Variants in NEMP2 observed in about 807,000 individuals in gnomAD.
NEMP2 encodes the protein UPF0571 transmembrane protein.
Under a neutral mutation model 54.2 loss-of-function variants are expected in NEMP2, and 53 were observed. The ratio of observed to expected loss-of-function variants is 0.98; its 90% CI spans 0.78 to 1.23. NEMP2 has a LOEUF of 1.23. NEMP2 is among the 50% of genes most tolerant of loss of function. The probability of loss-of-function intolerance (pLI) is 0.00; values close to 1 mark genes in which losing one functional copy is unlikely to be tolerated. For synonymous variants in NEMP2, 197 were observed against 190.3 expected (o/e 1.04, Z -0.29); for missense variants, 455 against 511.3 (o/e 0.89, Z 1.06).
chr2:190,586,431 A>C, the NEMP2 span, among the ~76,000 whole-genome samples: 1 of 152,326 alleles, frequency 6.6e-6, no homozygotes, highest in South Asian at 2.1e-4. The surrounding 1 kb of genome is among the most constrained non-coding windows in gnomAD (Gnocchi z 4.5). Context: ...TGAGTGATAC[A>C]TGGATCATGT....
the NEMP2 span, among the ~76,000 whole-genome samples, chr2:190,550,865 G>A: frequency 1.3e-5 from 2 of 152,162 alleles, no homozygotes; most frequent in South Asian, 2.1e-4. The surrounding 1 kb of genome is among the most constrained non-coding windows in gnomAD (Gnocchi z 4.7). Context: ...GTCTTCACTC[G>A]TTTGTGTGGA....
At chr2:190,500,248 G>T, downstream of NEMP2, 2 of 1,611,558 alleles carry the variant, frequency 1.2e-6, no homozygotes, top group Non-Finnish European at 1.7e-6. This position sits in a 1 kb window ranked among gnomAD's most constrained non-coding sequence, Gnocchi z 5.3. Flanking sequence ...CACCCTGCAT[G>T]GAATCAGGCT....
chr2:190,532,786 A>C (rs1691193735), intron 1 of NEMP2, among the ~76,000 whole-genome samples: 1 of 152,228 alleles, frequency 6.6e-6, no homozygotes, highest in African/African-American at 2.4e-5. Flanking sequence ...TATGGTTCTT[A>C]AGCCTAGTCT....
Position 190,519,135 on chromosome 2 carries a change from T to G in NEMP2, c.262A>C (p.Arg88=). The G allele has an allele frequency of 6.4e-7, 1 of 1,550,892 alleles. No homozygotes were observed. Among genetic ancestry groups the G allele is most frequent in the Non-Finnish European group, 8.7e-7 (1 of 1,146,982 alleles). The change falls in exon 3 of 9, where the codon AGA becomes CGA. Residue 88 remains arginine, a synonymous_variant. Transcript: ENST00000409150. The surrounding 1 kb of genome is among the most constrained non-coding windows in gnomAD (Gnocchi z 5.4). The part of the protein sequence containing the change: ...GLFRIVYIAE[R]HNCQYPENIL... ...TTTTCTGGATATTGGCAATTATGTC[T>G]TTCTGCGATATATACAATTCTGAAC...
chr2:190,617,076 C>G, the NEMP2 span: 4 of 151,370 alleles, frequency 2.6e-5, no homozygotes, highest in African/African-American at 9.7e-5. The surrounding 1 kb of genome is among the most constrained non-coding windows in gnomAD (Gnocchi z 5.0). Context: ...GAGTGAGCCC[C>G]GATCGCGCCA....
the NEMP2 span, chr2:190,628,506 C>G: frequency 3.3e-5 from 5 of 152,452 alleles, no homozygotes; most frequent in East Asian, 3.9e-4. The surrounding 1 kb of genome is among the most constrained non-coding windows in gnomAD (Gnocchi z 4.1). Context: ...GCCTGCTACT[C>G]CAGTCTCTGT....
At chr2:190,480,688 C>G in the NEMP2 span, among the ~76,000 whole-genome samples, 1 of 152,176 alleles carries the variant, frequency 6.6e-6, no homozygotes, top group South Asian at 2.1e-4. Context: ...AATTCTAACT[C>G]CCCTACCTAT....
the NEMP2 span, among the ~76,000 whole-genome samples, chr2:190,463,632 G>A: frequency 2.0e-5 from 3 of 152,082 alleles, no homozygotes; most frequent in Non-Finnish European, 4.4e-5. This position sits in a 1 kb window ranked among gnomAD's most constrained non-coding sequence, Gnocchi z 4.4. Flanking sequence ...ACCAGCCTGG[G>A]CAACATAGTG....
Position 190,529,155 on chromosome 2 carries a change from C to T in NEMP2, c.98-3777G>A, listed in dbSNP as rs764146576. Among the ~76,000 whole-genome samples the T allele has an allele frequency of 5.3e-5, 8 of 152,060 alleles. No homozygotes were observed. The highest frequency in any genetic ancestry group is 2.1e-4 in the South Asian group (1 of 4,818). On this transcript the variant is annotated intron_variant, in intron 1 of 8. Transcript: ENST00000409150. The surrounding 1 kb of genome is among the most constrained non-coding windows in gnomAD (Gnocchi z 4.7). ...TCACACCACTGCACTCCAGCCTGGG[C>T]GACAGAGTGAGACTCTGTCTCAAAA...
the NEMP2 span, among the ~76,000 whole-genome samples, chr2:190,563,789 G>A: frequency 1.3e-5 from 2 of 152,224 alleles, no homozygotes; most frequent in Non-Finnish European, 2.9e-5. This position sits in a 1 kb window ranked among gnomAD's most constrained non-coding sequence, Gnocchi z 4.3. Flanking sequence ...TGCCTGACAA[G>A]ATTAATTGGC....
the NEMP2 span, among the ~76,000 whole-genome samples, chr2:190,467,788 ATTATT>A: frequency 6.6e-6 from 1 of 152,170 alleles, no homozygotes; most frequent in African/African-American, 2.4e-5. This position sits in a 1 kb window ranked among gnomAD's most constrained non-coding sequence, Gnocchi z 5.5. Flanking sequence ...ACACATGAAA[ATTATT>A]TTATGAAGTT....
At chr2:190,421,861 G>A in the NEMP2 span, among the ~76,000 whole-genome samples, 1 of 152,024 alleles carries the variant, frequency 6.6e-6, no homozygotes, top group African/African-American at 2.4e-5. Flanking sequence ...TCTTGTATCT[G>A]TATTTCTTGA....
the NEMP2 span, among the ~76,000 whole-genome samples, chr2:190,580,900 A>G: frequency 3.3e-5 from 5 of 152,230 alleles, no homozygotes; most frequent in African/African-American, 9.6e-5. The surrounding 1 kb of genome is among the most constrained non-coding windows in gnomAD (Gnocchi z 5.3). Flanking sequence ...ATTTGAGGAC[A>G]TGGAGTAGCT....
chr2:190,599,259 G>A, the NEMP2 span, among the ~76,000 whole-genome samples: 4 of 152,156 alleles, frequency 2.6e-5, no homozygotes, highest in African/African-American at 7.2e-5. Context: ...TACACATCTA[G>A]CTTATATGAC....
chr2:190,509,413 G>A lies in NEMP2; in HGVS notation c.1131-101C>T. 3 of 1,358,974 alleles carry A rather than the reference G, an allele frequency of 2.2e-6. No homozygotes were observed. The highest frequency in any genetic ancestry group is 3.0e-6 in the Non-Finnish European group (3 of 988,488). The allele number at this position is 1,358,974 out of a possible 1,614,324, so 84.2% of individuals were successfully genotyped here. The stretch of plus-strand genomic sequence containing the variant: ...CTATTTATCCCCTTTAATTAAATTT[G>A]ACTTTGCATCAATACAGGGTGGCAT... On this transcript the variant is annotated intron_variant, in intron 8 of 8. Transcript: ENST00000409150. The surrounding 1 kb of genome is among the most constrained non-coding windows in gnomAD (Gnocchi z 6.1).
At chr2:190,551,414 A>G in the NEMP2 span, among the ~76,000 whole-genome samples, 3 of 148,082 alleles carry the variant, frequency 2.0e-5, no homozygotes, top group Non-Finnish European at 4.5e-5. Context: ...TATTTCTCCT[A>G]GGGCAAAGTT....
the NEMP2 span, among the ~76,000 whole-genome samples, chr2:190,622,236 C>T: frequency 2.0e-5 from 3 of 151,778 alleles, no homozygotes; most frequent in Non-Finnish European, 4.4e-5. Context: ...ATCCTGTCTC[C>T]AAGAAAATAA....
downstream of NEMP2, chr2:190,499,800 T>C (rs1689928665): frequency 2.6e-6 from 4 of 1,519,432 alleles, no homozygotes; most frequent in Admixed American, 2.0e-5. The surrounding 1 kb of genome is among the most constrained non-coding windows in gnomAD (Gnocchi z 6.0). Context: ...CGTCTGCTTA[T>C]AGTGTTTGTG....
At position 190,508,565 on chromosome 2, in the gene NEMP2, A is replaced by T. The variant is rs1299137967; in HGVS notation, c.*624T>A. The T allele has an allele frequency of 6.6e-6, 1 of 152,286 alleles. No homozygotes were observed. The allele number at this position is 152,286 out of a possible 1,614,324, so 9.4% of individuals were successfully genotyped here. A position where few individuals can be genotyped will look rare whatever the true frequency, so the allele number is the denominator to read the frequency against. ...TGAAAAAGAGTTCTGTGGTCAAATT[A>T]AGCAAGAAACTGCAGCACACAATTT... On this transcript the variant is annotated 3_prime_UTR_variant, in exon 9 of 9. Transcript: ENST00000409150. The surrounding 1 kb of genome is among the most constrained non-coding windows in gnomAD (Gnocchi z 4.3).
Sources: allele counts gnomAD v4.1 joint callset (sites outside exome capture counted in the v4.1 genomes callset), GRCh38; gene constraint gnomAD v4.1.1; non-coding constraint Gnocchi (gnomAD v3.1); transcripts MANE v1.5; gene names NCBI Gene and HGNC (gene_info 2026-07-23, HGNC 2026-07-21).